The following ALG9 variants were observed in gnomAD, a reference collection of about 807,000 sequenced individuals.
ALG9 encodes alpha-1,2-mannosyltransferase ALG9.
In ALG9, 55 loss-of-function variants were observed where a neutral mutation model predicts 81.8. The observed-to-expected ratio is 0.67, with a 90% CI of 0.54 to 0.84. The LOEUF (loss-of-function observed/expected upper bound fraction) is 0.84. Ranked by LOEUF, ALG9 falls within the 40% of genes least tolerant of loss-of-function variation. The pLI, the probability that ALG9 is intolerant of heterozygous loss-of-function variation, is 0.00. For missense variants in ALG9, 629 were observed against 745.0 expected (o/e 0.84, Z 1.81); for synonymous variants, 278 against 274.3 (o/e 1.01, Z -0.13).
At position 111,809,722 on chromosome 11, in the gene ALG9, T is replaced by C; in HGVS notation, c.1654A>G (p.Thr552Ala). 6.2e-7 allele frequency: 1 copy of C among 1,614,100 alleles called. No individual in the cohort carries two copies. The highest frequency in any genetic ancestry group is 8.5e-7 in the Non-Finnish European group (1 of 1,179,982). Reference protein sequence around the residue: ...YLVDLDTMRETPREPKYSSNK... With the variant: ...YLVDLDTMREAPREPKYSSNK... ...GATGAATATTTTGGCTCCCGGGGTG[T>C]TTCTCTCATGGTGTCCAAATCCACT... Residue 552 changes from threonine to alanine, a missense_variant, in exon 14 of 15, where the codon ACA (threonine) becomes GCA (alanine). This residue lies in a region of ALG9 where 264 missense variants were observed against 302.2 expected (regional missense o/e 0.87). Coordinates refer to ENST00000616540, the MANE Select transcript of ALG9 (RefSeq NM_024740.2).
chr11:111,832,465 G>T (rs1311166470), intron 13 of ALG9, among the ~76,000 whole-genome samples: 1 of 151,694 alleles, frequency 6.6e-6, no homozygotes, highest in African/African-American at 2.4e-5. Context: ...TTATTGTAGA[G>T]ACTGAATCTC....
At chr11:111,855,385 A>G (rs1260278810) in intron 6 of ALG9, among the ~76,000 whole-genome samples, 1 of 152,234 alleles carries the variant, frequency 6.6e-6, no homozygotes, top group Non-Finnish European at 1.5e-5. Flanking sequence ...TTTGAGGAAT[A>G]TAACTCTAGT....
chr11:111,823,065 C>T (rs1000055671), intron 13 of ALG9, among the ~76,000 whole-genome samples: 6 of 152,124 alleles, frequency 3.9e-5, no homozygotes, highest in East Asian at 1.9e-4. Context: ...TTTCTGCCTC[C>T]GACTAAGTGC....
intron 13 of ALG9, among the ~76,000 whole-genome samples, chr11:111,829,924 A>G (rs1368614171): frequency 2.6e-5 from 4 of 152,218 alleles, no homozygotes; most frequent in Admixed American, 1.3e-4. Flanking sequence ...CTCAGGACAC[A>G]TGTCTCAAGA....
In ALG9 at chr11:111,853,366, T is replaced by G. The variant is rs782318254; in HGVS notation, c.895+14A>C. The G allele has an allele frequency of 2.5e-6, 4 of 1,606,204 alleles. No homozygotes were observed. The South Asian group carries it at 4.4e-5, about 18-fold the overall frequency. ...CTATCTCCTAACACTTGCCCAAATT[T>G]CACAAAGCCTTACCATAAAGATCAG... On this transcript the variant is annotated intron_variant, in intron 8 of 14. Transcript: ENST00000616540.
intron 13 of ALG9, among the ~76,000 whole-genome samples, chr11:111,833,450 C>G (rs1180493246): frequency 6.6e-6 from 1 of 152,130 alleles, no homozygotes; most frequent in Admixed American, 6.6e-5. Context: ...ACAGTACAAA[C>G]CACAGAACCT....
At chr11:111,851,494 A>G (rs906868305) in intron 8 of ALG9, among the ~76,000 whole-genome samples, 36 of 151,420 alleles carry the variant, frequency 2.4e-4, no homozygotes, top group Non-Finnish European at 4.0e-4. Flanking sequence ...AAAAAAAAAA[A>G]AGAGAGAGAG....
intron 2 of ALG9, among the ~76,000 whole-genome samples, chr11:111,868,958 C>CAA (rs369189799): frequency 1.4e-5 from 2 of 139,422 alleles, no homozygotes; most frequent in African/African-American, 5.2e-5. Context: ...CCATCTCTAC[C>CAA]AAAAAAAAAA....
chr11:111,829,819 G>C (rs1954034612), intron 13 of ALG9, among the ~76,000 whole-genome samples: 1 of 152,196 alleles, frequency 6.6e-6, no homozygotes, highest in Non-Finnish European at 1.5e-5. Context: ...CACTCTTGGA[G>C]CGGGACACAG....
rs1250100898 is a variant in ALG9, at chr11:111,853,479, C to T, written c.796G>A (p.Val266Met). ...LMALILFLVPVVVIDSYYYGK... is the reference protein window; with the variant it reads ...LMALILFLVPMVVIDSYYYGK... ...TAATAGTAGCTGTCAATGACCACCA[C>T]AGGCACCTAAAACAGAGCAGAAAAT... The change falls in exon 8 of 15, where the codon GTG becomes ATG. Residue 266 changes from valine (V) to methionine (M), a missense_variant. Coordinates refer to ENST00000616540, the MANE Select transcript of ALG9 (RefSeq NM_024740.2). The T allele has an allele frequency of 1.9e-6, 3 of 1,613,300 alleles. No individual in the cohort carries two copies. The highest frequency in any genetic ancestry group is 2.7e-5 in the African/African-American group (2 of 74,900).
chr11:111,819,938 C>T (rs1046754625), intron 13 of ALG9, among the ~76,000 whole-genome samples: 3 of 152,238 alleles, frequency 2.0e-5, no homozygotes, highest in Non-Finnish European at 2.9e-5. Context: ...TCCAACACCA[C>T]GCTGTTCAAA....
rs886047669 is a variant in ALG9 at position 111,783,940 on chromosome 11, CA to C, written c.*2456del. 8.2e-6 allele frequency: 1 copy of C among 122,582 alleles called. No homozygotes were observed. Among genetic ancestry groups the C allele is most frequent in the Non-Finnish European group, 1.8e-5 (1 of 55,770 alleles). 7.6% of individuals were successfully genotyped at this position (122,582 alleles called of 1,614,324 possible). ...TTGTTTTTTTAAAAAAAAAAAAAAA[CA>C]AGATGACAAAACAGATAAAACAGCA... On this transcript the variant is annotated 3_prime_UTR_variant, in exon 15 of 15. Coordinates refer to ENST00000616540, the MANE Select transcript of ALG9 (RefSeq NM_024740.2).
intron 14 of ALG9, among the ~76,000 whole-genome samples, chr11:111,798,851 G>A (rs1555077915): frequency 6.6e-6 from 1 of 152,186 alleles, no homozygotes; most frequent in Non-Finnish European, 1.5e-5. Flanking sequence ...AACTAATGGG[G>A]TCTGGGGTTT....
intron 8 of ALG9, 49 bp downstream of exon 8, chr11:111,853,331 G>T: frequency 7.6e-7 from 1 of 1,309,116 alleles, no homozygotes; most frequent in Non-Finnish European, 1.1e-6. Context: ...TGAAGTTCAG[G>T]CAAATTAAGC....
Position 111,837,623 on chromosome 11 carries a change from G to A in ALG9, c.1325-8C>T. 6.2e-7 allele frequency: 1 copy of A among 1,613,812 alleles called. No homozygotes were observed. The highest frequency in any genetic ancestry group is 8.5e-7 in the Non-Finnish European group (1 of 1,179,830). ...CAAGGGGCCCGTGATATCCTGGAAG[G>A]GAGAACAGTTAGTGAGAGCCAGAGA... is the stretch of plus-strand genomic sequence containing the variant. On this transcript the variant is annotated splice_polypyrimidine_tract_variant and splice_region_variant and intron_variant, in intron 11 of 14. Coordinates refer to ENST00000616540, the MANE Select transcript of ALG9 (RefSeq NM_024740.2).
At chr11:111,849,964 C>T (rs1232850418) in intron 8 of ALG9, among the ~76,000 whole-genome samples, 1 of 152,088 alleles carries the variant, frequency 6.6e-6, no homozygotes, top group Non-Finnish European at 1.5e-5. Flanking sequence ...TAGTGCCCAA[C>T]ATGTAATAAA....
intron 14 of ALG9, among the ~76,000 whole-genome samples, chr11:111,787,229 G>A (rs1331794980): frequency 6.6e-6 from 1 of 151,886 alleles, no homozygotes; most frequent in African/African-American, 2.4e-5. Flanking sequence ...TCAGGAGTTC[G>A]AGACCAGCCA....
At chr11:111,847,678 G>A (rs1555131828) in intron 8 of ALG9, among the ~76,000 whole-genome samples, 1 of 152,056 alleles carries the variant, frequency 6.6e-6, no homozygotes, top group African/African-American at 2.4e-5. Context: ...GAGACATTTT[G>A]CCTAAGACTT....
In ALG9 at chr11:111,783,772, C is replaced by A. The variant is rs1946167679; in HGVS notation, c.*2625G>T. 6.6e-6 allele frequency: 1 copy of A among 152,152 alleles called. No individual in the cohort carries two copies. Among genetic ancestry groups the A allele is most frequent in the African/African-American group, 2.4e-5 (1 of 41,432 alleles). The allele number at this position is 152,152 out of a possible 1,614,324, so 9.4% of individuals were successfully genotyped here. On this transcript the variant is annotated 3_prime_UTR_variant, in exon 15 of 15. Transcript: ENST00000616540. ...TACCTATAACATTTGGCACAGCGTT[C>A]TGCCATGTATTGTGCTCTCACTAAA...
Sources: allele counts gnomAD v4.1 joint callset (sites outside exome capture counted in the v4.1 genomes callset), GRCh38; gene constraint gnomAD v4.1.1; regional missense constraint gnomAD v4.1.1; transcripts MANE v1.5; gene names NCBI Gene and HGNC (gene_info 2026-07-23, HGNC 2026-07-21).